Variants in TSKS observed in about 807,000 individuals in gnomAD.
TSKS encodes the protein testis specific serine kinase substrate, also known as testis-specific serine kinase substrate.
A neutral mutation model predicts 68.0 loss-of-function variants in TSKS; 27 were observed. The observed-to-expected ratio is 0.40, with a 90% CI of 0.29 to 0.55. The LOEUF is 0.55. Among genes scored for constraint, TSKS ranks in the 20% least tolerant of loss-of-function variants. The probability of loss-of-function intolerance (pLI) is 0.53; values close to 1 mark genes in which losing one functional copy is unlikely to be tolerated. For synonymous variants in TSKS, 331 were observed against 340.4 expected (o/e 0.97, Z 0.30); for missense variants, 806 against 776.0 (o/e 1.04, Z -0.46).
In TSKS at chr19:49,747,600, C is replaced by A. The variant is rs2084313920; in HGVS notation, c.580-128G>T. 4.4e-6 allele frequency: 4 copies of A among 914,580 alleles called. 1 individual carries two copies. In the South Asian group the frequency reaches 4.5e-5, roughly 10 times the overall value. The allele number at this position is 914,580 out of a possible 1,614,324, so 56.7% of individuals were successfully genotyped here. A position where few individuals can be genotyped will look rare whatever the true frequency, so the allele number is the denominator to read the frequency against. On this transcript the variant is annotated intron_variant, in intron 4 of 10. Coordinates refer to ENST00000246801, the MANE Select transcript of TSKS (RefSeq NM_021733.2). ...CCAGTACAAGACACACTCACCAGCT[C>A]ATTTCCTTGGCTAAGGGGATGGCTT...
intron 2 of TSKS, among the ~76,000 whole-genome samples, chr19:49,748,833 G>A (rs1256849612): frequency 2.0e-5 from 3 of 152,026 alleles, no homozygotes; most frequent in Admixed American, 2.0e-4. Context: ...TTGGGAGGCC[G>A]AGGTGGGTGG....
Position 49,744,270 on chromosome 19 carries a change from A to G in TSKS, c.1322T>C (p.Leu441Pro). The change falls in exon 8 of 11, where the codon CTG becomes CCG. Residue 441 changes from leucine (L) to proline (P), a missense_variant. Leu to Pro is a moderately conservative substitution (Grantham distance 98, BLOSUM62 -3). Coordinates refer to ENST00000246801, the MANE Select transcript of TSKS (RefSeq NM_021733.2). ...SRRGPDLSMN[L>P]DRSHQGNCAR... The stretch of plus-strand genomic sequence containing the variant: ...ACAGTTGCCTTGGTGGGACCGATCC[A>G]GGTTCATGGAGAGGTCAGGCCCTCT... 1 of 1,614,030 alleles carries G rather than the reference A, an allele frequency of 6.2e-7. No individual in the cohort carries two copies. The highest frequency in any genetic ancestry group is 8.5e-7 in the Non-Finnish European group (1 of 1,179,926).
chr19:49,748,006 G>T, intron 4 of TSKS, 79 bp downstream of exon 4: 1 of 1,386,390 alleles, frequency 7.2e-7, no homozygotes, highest in Non-Finnish European at 1.0e-6. Context: ...ACTGCACCCA[G>T]CCTCCTCCCC....
intron 2 of TSKS, among the ~76,000 whole-genome samples, chr19:49,752,560 C>A (rs1200728413): frequency 6.6e-6 from 1 of 152,096 alleles, no homozygotes; most frequent in Non-Finnish European, 1.5e-5. Context: ...TTTATTTATA[C>A]CCAGCCTTGA....
At chr19:49,758,986 T>G (rs1262406502) in intron 2 of TSKS, among the ~76,000 whole-genome samples, 3 of 151,454 alleles carry the variant, frequency 2.0e-5, no homozygotes, top group Non-Finnish European at 4.4e-5. Flanking sequence ...GCCTCCCACA[T>G]AGCTGGGATT....
chr19:49,756,072 A>G (rs939116275), intron 2 of TSKS, among the ~76,000 whole-genome samples: 3 of 152,138 alleles, frequency 2.0e-5, no homozygotes, highest in African/African-American at 7.2e-5. Context: ...AAAATCATCA[A>G]CGAAATACTA....
At chr19:49,746,886 C>T (rs1032410502) in intron 5 of TSKS, 88 bp from the exon 6 acceptor site, 5 of 1,534,902 alleles carry the variant, frequency 3.3e-6, no homozygotes, top group Admixed American at 3.9e-5. Context: ...CAGTACTCCC[C>T]GAGATTGGAA....
At chr19:49,748,198 A>G in intron 3 of TSKS, 30 bp from the exon 4 acceptor site, 1 of 1,612,088 alleles carries the variant, frequency 6.2e-7, no homozygotes, top group African/African-American at 1.3e-5. Flanking sequence ...GAGGTTAGCC[A>G]AGGACACGAG....
intron 2 of TSKS, among the ~76,000 whole-genome samples, chr19:49,751,733 G>T (rs1162659653): frequency 6.6e-6 from 1 of 151,992 alleles, no homozygotes; most frequent in Non-Finnish European, 1.5e-5. Flanking sequence ...TTGAAGGAAA[G>T]ATTTGGATGT....
chr19:49,749,938 T>A (rs80041368), intron 2 of TSKS, among the ~76,000 whole-genome samples: 2,742 of 152,188 alleles, frequency 0.018, 32 homozygotes, highest in African/African-American at 0.033. Context: ...TTATTTATTT[T>A]TTTTTTTAGC....
Position 49,743,542 on chromosome 19 carries a change from G to A in TSKS, c.1361+689C>T, listed in dbSNP as rs192005439. On this transcript the variant is annotated intron_variant, in intron 8 of 10. Transcript: ENST00000246801. ...AGATGGAGTCTCACTCTGTCTCCCA[G>A]GCTGGAGTGCAGTGGCATGATCTCA... 3.4e-3 allele frequency among the ~76,000 whole-genome samples: 466 copies of A among 136,292 alleles called. 2 individuals are homozygous for A. The highest frequency in any genetic ancestry group is 0.011 in the African/African-American group (394 of 35,522). The allele number at this position is 136,292 out of a possible 152,430, so 89.4% of individuals were successfully genotyped here.
intron 2 of TSKS, among the ~76,000 whole-genome samples, chr19:49,749,328 A>C (rs1268060366): frequency 6.6e-6 from 1 of 152,172 alleles, no homozygotes; most frequent in Non-Finnish European, 1.5e-5. Flanking sequence ...AGGTGATCTC[A>C]TCAGAATCTA....
At chr19:49,744,155 T>C in intron 8 of TSKS, 76 bp downstream of exon 8, 1 of 1,495,512 alleles carries the variant, frequency 6.7e-7, no homozygotes, top group Non-Finnish European at 9.2e-7. Context: ...CACCCTTCAC[T>C]AATGTCCCAT....
chr19:49,747,338 C>T (rs754519904), intron 5 of TSKS, 51 bp downstream of exon 5: 52 of 1,613,504 alleles, frequency 3.2e-5, no homozygotes, highest in Non-Finnish European at 4.2e-5. Context: ...TTGAGTCCCT[C>T]GTGCATCTGA....
At chr19:49,762,281 C>G (rs754282615) in intron 1 of TSKS, 49 bp from the exon 2 acceptor site, 1 of 1,474,918 alleles carries the variant, frequency 6.8e-7, no homozygotes. Context: ...CCCAGGGTGT[C>G]TGGGCCCTCC....
intron 5 of TSKS, 193 bp downstream of exon 5, chr19:49,747,196 C>G (rs145927386): frequency 6.5e-7 from 1 of 1,536,840 alleles, no homozygotes; most frequent in Non-Finnish European, 8.7e-7. Context: ...GACTGCAGGG[C>G]AAGAGTCCCC....
At chr19:49,749,227 G>A (rs146361651) in intron 2 of TSKS, among the ~76,000 whole-genome samples, 31 of 152,218 alleles carry the variant, frequency 2.0e-4, no homozygotes, top group Non-Finnish European at 4.0e-4. Flanking sequence ...TCACAACTCC[G>A]CCTCTTGAGG....
In TSKS at chr19:49,758,398, A is replaced by G. The variant is rs2084410972; in HGVS notation, c.399+3606T>C. ...CCGTTAGAGGCCGACACTCCCCTGC[A>G]GCCCCACAGCGAGCTGGCAGCTGTG... is the stretch of plus-strand genomic sequence containing the variant. On this transcript the variant is annotated intron_variant, in intron 2 of 10. Transcript: ENST00000246801. 2.0e-5 allele frequency among the ~76,000 whole-genome samples: 3 copies of G among 152,306 alleles called. No individual in the cohort carries two copies. In the South Asian group the frequency reaches 6.2e-4, roughly 32 times the overall value.
chr19:49,740,871 C>G (rs192629333), intron 9 of TSKS, among the ~76,000 whole-genome samples: 2 of 133,342 alleles, frequency 1.5e-5, no homozygotes, highest in African/African-American at 5.7e-5. Flanking sequence ...AGCAACAGAG[C>G]GAGACTCTGT....
Sources: allele counts gnomAD v4.1 joint callset (sites outside exome capture counted in the v4.1 genomes callset), GRCh38; gene constraint gnomAD v4.1.1; transcripts MANE v1.5; gene names NCBI Gene and HGNC (gene_info 2026-07-23, HGNC 2026-07-21).